The following TLK2 variants were observed in gnomAD, a reference collection of about 807,000 sequenced individuals.
TLK2 encodes the protein serine/threonine-protein kinase tousled-like 2.
In TLK2, 6 loss-of-function variants were observed where a neutral mutation model predicts 117.3. The ratio of observed to expected loss-of-function variants is 0.05; its 90% CI spans 0.03 to 0.10. The LOEUF is 0.10. Among genes scored for constraint, TLK2 ranks in the 10% least tolerant of loss-of-function variants. TLK2 has a pLI of 1.00. For missense variants in TLK2, 299 were observed against 901.2 expected, an observed-to-expected ratio of 0.33 and a Z score of 8.56; for synonymous variants, 257 against 316.7, an observed-to-expected ratio of 0.81 and a Z score of 2.00.
Position 62,536,350 on chromosome 17 carries a change from C to A in TLK2, c.531+13C>A. 6.2e-7 allele frequency: 1 copy of A among 1,605,920 alleles called. No individual in the cohort carries two copies. Among genetic ancestry groups the A allele is most frequent in the East Asian group, 2.2e-5 (1 of 44,672 alleles). On this transcript the variant is annotated intron_variant, in intron 7 of 21. Coordinates refer to ENST00000346027, the MANE Select transcript of TLK2 (RefSeq NM_006852.6). ...CACTTTTGTTTCAGTGAGTACAAAG[C>A]CTAAGTTAATTCATATCCTTTCCAT...
At chr17:62,481,046 G>A in intron 1 of TLK2, 75 bp from the exon 2 acceptor site, 2 of 1,355,608 alleles carry the variant, frequency 1.5e-6, no homozygotes, top group South Asian at 2.4e-5. Context: ...TAATTACTGT[G>A]AGTTTTGTTC....
chr17:62,547,562 C>T (rs1182808005), intron 7 of TLK2, among the ~76,000 whole-genome samples: 2 of 152,142 alleles, frequency 1.3e-5, no homozygotes, highest in Admixed American at 1.3e-4. Context: ...TGAGGATTTT[C>T]TGCTTCCCAA....
At chr17:62,554,035 A>G (rs999217329) in intron 9 of TLK2, among the ~76,000 whole-genome samples, 1 of 152,164 alleles carries the variant, frequency 6.6e-6, no homozygotes, top group Non-Finnish European at 1.5e-5. Context: ...AACTGTGGGA[A>G]TAAGTATAAA....
chr17:62,517,097 G>T (rs2075661281), intron 2 of TLK2, among the ~76,000 whole-genome samples: 1 of 151,932 alleles, frequency 6.6e-6, no homozygotes, highest in African/African-American at 2.4e-5. Context: ...GTAGAGGTTG[G>T]GTTCGCCATG....
chr17:62,575,687 CTCTT>C (rs1193097357), intron 12 of TLK2, among the ~76,000 whole-genome samples: 1 of 151,898 alleles, frequency 6.6e-6, no homozygotes, highest in Non-Finnish European at 1.5e-5. Flanking sequence ...CTCTCTCTCT[CTCTT>C]TCTTTTCTTT....
chr17:62,615,100 C>T lies in TLK2; in HGVS notation c.*2535C>T, dbSNP rs766779594. 1 of 152,056 alleles carries T rather than the reference C, an allele frequency of 6.6e-6. No individual in the cohort carries two copies. The highest frequency in any genetic ancestry group is 1.5e-5 in the Non-Finnish European group (1 of 68,024). The allele number at this position is 152,056 out of a possible 1,614,324, so 9.4% of individuals were successfully genotyped here. A position where few individuals can be genotyped will look rare whatever the true frequency, so the allele number is the denominator to read the frequency against. On this transcript the variant is annotated 3_prime_UTR_variant, in exon 22 of 22. Coordinates refer to ENST00000346027, the MANE Select transcript of TLK2 (RefSeq NM_006852.6). The stretch of plus-strand genomic sequence containing the variant: ...TTATCTTTCAATCTGCCCTTTCTAC[C>T]CTTGTCCTATTGAAAGGATGCCCTC...
chr17:62,560,645 A>G (rs2079187503), intron 10 of TLK2, among the ~76,000 whole-genome samples: 1 of 151,338 alleles, frequency 6.6e-6, no homozygotes, highest in Admixed American at 6.6e-5. Context: ...GTTAATAGGT[A>G]TTAGTAACTA....
chr17:62,477,740 G>C (rs2071105022), upstream of TLK2: 2 of 152,320 alleles, frequency 1.3e-5, no homozygotes, highest in South Asian at 4.1e-4. Context: ...AGGGGCGCCG[G>C]TGAAGAGTGA....
intron 7 of TLK2, among the ~76,000 whole-genome samples, chr17:62,540,536 T>C (rs1282998074): frequency 6.7e-6 from 1 of 148,296 alleles, no homozygotes; most frequent in African/African-American, 2.5e-5. Context: ...GTAACTGGGA[T>C]TACAGGCGCG....
chr17:62,556,751 C>G (rs750909974), intron 9 of TLK2, among the ~76,000 whole-genome samples: 2 of 146,158 alleles, frequency 1.4e-5, no homozygotes, highest in African/African-American at 2.8e-5. Context: ...TGCTTTTATC[C>G]CTCTTTATAT....
At chr17:62,582,515 A>T (rs1039498091) in intron 15 of TLK2, among the ~76,000 whole-genome samples, 2 of 152,134 alleles carry the variant, frequency 1.3e-5, no homozygotes, top group Admixed American at 1.3e-4. Context: ...TTTTTTGTTG[A>T]TCAAAACTAT....
chr17:62,546,022 C>G (rs2077884501), intron 7 of TLK2, among the ~76,000 whole-genome samples: 1 of 152,144 alleles, frequency 6.6e-6, no homozygotes, highest in Non-Finnish European at 1.5e-5. Flanking sequence ...GCTAGGATTA[C>G]AGGCTCACAC....
intron 2 of TLK2, among the ~76,000 whole-genome samples, chr17:62,485,089 A>G (rs2072181594): frequency 6.6e-6 from 1 of 152,208 alleles, no homozygotes; most frequent in African/African-American, 2.4e-5. Context: ...TTTGTTTTTC[A>G]AAGATCAAAA....
intron 15 of TLK2, among the ~76,000 whole-genome samples, chr17:62,584,665 T>A: frequency 6.6e-6 from 1 of 152,144 alleles, no homozygotes. Context: ...AAAATAAAAA[T>A]AAAAAATGTT....
intron 13 of TLK2, among the ~76,000 whole-genome samples, chr17:62,577,595 C>T (rs375848899): frequency 1.3e-5 from 2 of 152,206 alleles, no homozygotes; most frequent in Admixed American, 6.5e-5. Context: ...TTACTCAGCT[C>T]TTAAAATTCA....
At chr17:62,547,055 A>AT (rs1389341116) in intron 7 of TLK2, among the ~76,000 whole-genome samples, 2 of 151,840 alleles carry the variant, frequency 1.3e-5, no homozygotes, top group Non-Finnish European at 2.9e-5. Context: ...AACCTATTTT[A>AT]TTTTTTTCAT....
intron 6 of TLK2, among the ~76,000 whole-genome samples, chr17:62,531,591 ACTC>A (rs2076745797): frequency 6.8e-6 from 1 of 147,668 alleles, no homozygotes; most frequent in South Asian, 2.1e-4. Flanking sequence ...TTAACTGTGT[ACTC>A]CTCATTGTTC....
intron 2 of TLK2, among the ~76,000 whole-genome samples, chr17:62,514,319 T>C (rs2075388816): frequency 6.6e-6 from 1 of 151,334 alleles, no homozygotes; most frequent in Non-Finnish European, 1.5e-5. Flanking sequence ...AATTTTTGTA[T>C]TTTTAGTAGA....
chr17:62,516,657 G>A, intron 2 of TLK2: 1 of 1,609,896 alleles, frequency 6.2e-7, no homozygotes, highest in Non-Finnish European at 8.5e-7. Context: ...GCACATTCTT[G>A]TCTGCCAGCT....
Sources: allele counts gnomAD v4.1 joint callset (sites outside exome capture counted in the v4.1 genomes callset), GRCh38; gene constraint gnomAD v4.1.1; transcripts MANE v1.5; gene names NCBI Gene and HGNC (gene_info 2026-07-23, HGNC 2026-07-21).